Variants in TMPRSS6 observed in about 807,000 individuals in gnomAD.
The protein encoded by TMPRSS6 is transmembrane serine protease 6.
Under a neutral mutation model 101.5 loss-of-function variants are expected in TMPRSS6, and 67 were observed. The observed-to-expected ratio is 0.66, with a 90% CI of 0.54 to 0.81. The LOEUF (loss-of-function observed/expected upper bound fraction) is 0.81, where lower values mean the gene tolerates loss of function less well. TMPRSS6 is among the 30% of genes least tolerant of loss of function. The pLI, the probability that TMPRSS6 is intolerant of heterozygous loss-of-function variation, is 0.00. For missense variants in TMPRSS6, 1,034 were observed against 1,088.7 expected (o/e 0.95, Z 0.71); for synonymous variants, 453 against 464.9 (o/e 0.97, Z 0.33).
chr22:37,074,606 T>TCACC lies in TMPRSS6; in HGVS notation c.1441_1441+3dup, dbSNP rs1927441390. ...GAGGAGGGATGCGCGGGCGGGTTAC[T>TCACC]CACCGCAGTTTCTCTCATCCAGGCC... On this transcript the variant is annotated splice_donor_region_variant and intron_variant, in intron 12 of 17. Transcript: ENST00000676104. The TCACC allele has an allele frequency of 1.2e-6, 2 of 1,612,960 alleles. No homozygotes were observed. Among genetic ancestry groups the TCACC allele is most frequent in the Non-Finnish European group, 1.7e-6 (2 of 1,178,928 alleles).
At chr22:37,089,835 G>A in intron 6 of TMPRSS6, 53 bp from the exon 7 acceptor site, 2 of 1,565,176 alleles carry the variant, frequency 1.3e-6, no homozygotes, top group Non-Finnish European at 1.7e-6. Flanking sequence ...AGAAGGAGGG[G>A]ACCCTGGGGA....
In TMPRSS6 at chr22:37,086,345, T is replaced by C; in HGVS notation, c.911A>G (p.Lys304Arg). Reference sequence around the variant, plus strand: ...GTCGTAGTAGCTGTGCAGGCCCTTCTTCCAGACGACCGCCATGATGGCCCC... The same window carrying C: ...GTCGTAGTAGCTGTGCAGGCCCTTCCTCCAGACGACCGCCATGATGGCCCC... ...ASGAIMAVVW[K>R]KGLHSYYDPF... Residue 304 changes from lysine (K) to arginine (R), a missense_variant, in exon 8 of 18, where the codon AAG becomes AGG. By Grantham distance (26) the Lys-to-Arg change is conservative (BLOSUM62 2). Transcript: ENST00000676104. 6.2e-7 allele frequency: 1 copy of C among 1,613,508 alleles called. No homozygotes were observed. The highest frequency in any genetic ancestry group is 8.5e-7 in the Non-Finnish European group (1 of 1,179,776).
intron 13 of TMPRSS6, 52 bp downstream of exon 13, chr22:37,073,480 G>A: frequency 7.9e-7 from 1 of 1,273,220 alleles, no homozygotes; most frequent in South Asian, 1.2e-5. Context: ...GCATGTAGCA[G>A]GCCTAGACTG....
intron 13 of TMPRSS6, among the ~76,000 whole-genome samples, 158 bp downstream of exon 13, chr22:37,073,346 AGATGGATGGATGGATGGATGGATGGATG>A (rs61496676): frequency 2.8e-5 from 4 of 140,812 alleles, no homozygotes; most frequent in African/African-American, 1.1e-4. Context: ...GGAGACCAGA[AGATGGATGGATGGATGGATGGATGGATG>A]GATGGATGGA....
At position 37,067,507 on chromosome 22, in the gene TMPRSS6, G is replaced by T. The variant is rs1374183031; in HGVS notation, c.2114-545C>A. Reference sequence around the variant, plus strand: ...AAGAAAAAAGAAAAAAGCCCGTGTGGATGAGTGTCTTCCTCCAGCTTCTTG... The same window carrying T: ...AAGAAAAAAGAAAAAAGCCCGTGTGTATGAGTGTCTTCCTCCAGCTTCTTG... On this transcript the variant is annotated intron_variant, in intron 16 of 17. Transcript: ENST00000676104. Among the ~76,000 whole-genome samples the T allele has an allele frequency of 1.3e-5, 2 of 152,136 alleles. 1 individual carries two copies. The highest frequency in any genetic ancestry group is 4.8e-5 in the African/African-American group (2 of 41,432).
rs868380519 is a variant in TMPRSS6 at position 37,106,342 on chromosome 22, G to A, written c.-1-2924C>T. Among the ~76,000 whole-genome samples the A allele has an allele frequency of 2.6e-5, 4 of 152,150 alleles. No homozygotes were observed. The South Asian group carries it at 6.2e-4, about 24-fold the overall frequency. On this transcript the variant is annotated intron_variant, in intron 1 of 17. Coordinates refer to ENST00000676104, the MANE Select transcript of TMPRSS6 (RefSeq NM_001374504.1). Reference sequence around the variant, plus strand: ...GCAGGTCGTGGGTCCATTAGAGGAAGCCCGAAGAGGGGCAGCTCATGGTGG... The same window carrying A: ...GCAGGTCGTGGGTCCATTAGAGGAAACCCGAAGAGGGGCAGCTCATGGTGG...
At chr22:37,076,239 T>C (rs1328795782) in intron 10 of TMPRSS6, among the ~76,000 whole-genome samples, 1 of 152,138 alleles carries the variant, frequency 6.6e-6, no homozygotes, top group Non-Finnish European at 1.5e-5. Flanking sequence ...GGGGCAGCAG[T>C]GCTCCCCATT....
Position 37,069,157 on chromosome 22 carries a change from G to GGCGCACGGCGGCCGA in TMPRSS6, c.2014_2028dup (p.Ser672_Arg676dup). On this transcript the variant is annotated inframe_insertion, in exon 16 of 18. Coordinates refer to ENST00000676104, the MANE Select transcript of TMPRSS6 (RefSeq NM_001374504.1). The surrounding 1 kb of genome is among the most constrained non-coding windows in gnomAD (Gnocchi z 4.8). ...TGGGAGCGCGCGGGCAGGCAGACGG[G>GGCGCACGGCGGCCGA]GCGCACGGCGGCCGAGCGCACCACC... 1.3e-6 allele frequency: 2 copies of GGCGCACGGCGGCCGA among 1,579,334 alleles called. No individual in the cohort carries two copies. The highest frequency in any genetic ancestry group is 4.7e-5 in the East Asian group (2 of 42,574).
Position 37,103,105 on chromosome 22 carries a change from G to T in TMPRSS6, c.202+111C>A. The stretch of plus-strand genomic sequence containing the variant: ...GAAGTGACTTGCCCAAGGTCACACA[G>T]CAATATGCTAAGCACGGCTGAGCCT... On this transcript the variant is annotated intron_variant, in intron 2 of 17. Transcript: ENST00000676104. The surrounding 1 kb of genome is among the most constrained non-coding windows in gnomAD (Gnocchi z 4.4). The T allele has an allele frequency of 8.6e-7, 1 of 1,161,068 alleles. No individual in the cohort carries two copies. The highest frequency in any genetic ancestry group is 1.3e-6 in the Non-Finnish European group (1 of 793,448). 71.9% of individuals were successfully genotyped at this position (1,161,068 alleles called of 1,614,324 possible).
At chr22:37,099,302 C>T (rs913261106) in intron 2 of TMPRSS6, among the ~76,000 whole-genome samples, 2 of 152,218 alleles carry the variant, frequency 1.3e-5, no homozygotes, top group African/African-American at 4.8e-5. Flanking sequence ...GGGCTGAAAG[C>T]CTGTTTGGCT....
At chr22:37,100,994 G>A (rs1180417637) in intron 2 of TMPRSS6, among the ~76,000 whole-genome samples, 1 of 152,196 alleles carries the variant, frequency 6.6e-6, no homozygotes, top group East Asian at 1.9e-4. Context: ...AACCTGGGAT[G>A]TTGGCGAGCT....
chr22:37,091,085 A>ATCAT (rs561861674), intron 6 of TMPRSS6, among the ~76,000 whole-genome samples: 3,353 of 151,890 alleles, frequency 0.022, 40 homozygotes, highest in African/African-American at 0.024. Context: ...TACCACCTGC[A>ATCAT]TCATTCATTC....
At chr22:37,107,707 A>G (rs1343617905) in intron 1 of TMPRSS6, among the ~76,000 whole-genome samples, 1 of 151,932 alleles carries the variant, frequency 6.6e-6, no homozygotes, top group African/African-American at 2.4e-5. Flanking sequence ...TCTTTGCTGA[A>G]TGGGAGGTTT....
Position 37,069,314 on chromosome 22 carries a change from G to A in TMPRSS6, c.1872C>T (p.Phe624=). Residue 624 remains phenylalanine (F), a synonymous_variant, in exon 16 of 18, where the codon TTC becomes TTT. Transcript: ENST00000676104. The surrounding 1 kb of genome is among the most constrained non-coding windows in gnomAD (Gnocchi z 4.8). ...SMASTVLWTV[F]LGKVWQNSRW... ...GCGAGTTCTGCCACACCTTGCCCAGGAACACGGTCCACAGCACCGTGGAGG... is the reference window on the plus strand; with the variant it reads ...GCGAGTTCTGCCACACCTTGCCCAGAAACACGGTCCACAGCACCGTGGAGG... 2.3e-6 allele frequency: 3 copies of A among 1,331,154 alleles called. No individual in the cohort carries two copies. The highest frequency in any genetic ancestry group is 3.0e-6 in the Non-Finnish European group (3 of 1,013,896). The allele number at this position is 1,331,154 out of a possible 1,614,324, so 82.5% of individuals were successfully genotyped here.
intron 7 of TMPRSS6, 114 bp downstream of exon 7, chr22:37,089,464 C>G (rs1160725497): frequency 1.0e-5 from 11 of 1,058,240 alleles, no homozygotes; most frequent in Non-Finnish European, 1.5e-5. Flanking sequence ...CCCAGATACC[C>G]AGGCCCAAGG....
intron 10 of TMPRSS6, among the ~76,000 whole-genome samples, chr22:37,079,666 C>T (rs1366764897): frequency 1.1e-4 from 16 of 152,226 alleles, no homozygotes; most frequent in Admixed American, 9.8e-4. Flanking sequence ...GCTGTGTGAC[C>T]TTGGGTCACC....
Position 37,069,461 on chromosome 22 carries a change from C to A in TMPRSS6, c.1842-117G>T, listed in dbSNP as rs543695016. 1.2e-4 allele frequency: 119 copies of A among 1,000,000 alleles called. No individual in the cohort carries two copies. The Admixed American group carries it at 1.2e-3, about 10-fold the overall frequency. The allele number at this position is 1,000,000 out of a possible 1,614,324, so 61.9% of individuals were successfully genotyped here. On this transcript the variant is annotated intron_variant, in intron 15 of 17. Transcript: ENST00000676104. The surrounding 1 kb of genome is among the most constrained non-coding windows in gnomAD (Gnocchi z 4.8). ...CCCGCCCGGGACAGTGCCCTCCACA[C>A]CCAGCCCTCCCTTCCCTCCCTGAAG...
At chr22:37,096,168 C>T (rs962228783) in intron 4 of TMPRSS6, 78 bp from the exon 5 acceptor site, 18 of 1,522,250 alleles carry the variant, frequency 1.2e-5, no homozygotes, top group Admixed American at 7.0e-5. Flanking sequence ...TCATGCACAT[C>T]GAGCACTTTC....
At chr22:37,068,935 C>A in intron 16 of TMPRSS6, 138 bp downstream of exon 16, 1 of 1,414,484 alleles carries the variant, frequency 7.1e-7, no homozygotes, top group Non-Finnish European at 9.3e-7. Context: ...AAAATTCAGC[C>A]CAATTTGAAT....
Sources: allele counts gnomAD v4.1 joint callset (sites outside exome capture counted in the v4.1 genomes callset), GRCh38; gene constraint gnomAD v4.1.1; non-coding constraint Gnocchi (gnomAD v3.1); transcripts MANE v1.5; gene names NCBI Gene and HGNC (gene_info 2026-07-23, HGNC 2026-07-21).